Variants in NAALADL2 observed in about 807,000 individuals in gnomAD.
NAALADL2 encodes the protein N-acetylated alpha-linked acidic dipeptidase like 2, also known as inactive N-acetylated-alpha-linked acidic dipeptidase-like protein 2.
NAALADL2 carries 76 observed loss-of-function variants against 87.2 expected under a neutral mutation model. The ratio of observed to expected loss-of-function variants is 0.87; its 90% CI spans 0.72 to 1.05. The LOEUF (loss-of-function observed/expected upper bound fraction) is 1.05. Ranked by LOEUF, NAALADL2 falls within the 50% of genes least tolerant of loss-of-function variation. The pLI is 0.00. For synonymous variants in NAALADL2, 354 were observed against 331.0 expected (o/e 1.07, Z -0.75); for missense variants, 1,089 against 945.8 (o/e 1.15, Z -1.99).
chr3:174,682,000 G>C (rs1484809008), intron 2 of NAALADL2, among the ~76,000 whole-genome samples: 1 of 152,130 alleles, frequency 6.6e-6, no homozygotes, highest in Non-Finnish European at 1.5e-5. Flanking sequence ...GTGGTAGCCA[G>C]GCAGTACTCA....
At chr3:174,769,704 AT>A (rs11289362) in intron 3 of NAALADL2, among the ~76,000 whole-genome samples, 80,089 of 150,896 alleles carry the variant, frequency 0.53, 21,634 homozygotes, top group Middle Eastern at 0.64. Flanking sequence ...CCAGTAACAT[AT>A]TTTTTTTCTT....
At chr3:175,592,813 A>G (rs537317120) in intron 10 of NAALADL2, among the ~76,000 whole-genome samples, 2 of 151,862 alleles carry the variant, frequency 1.3e-5, no homozygotes, top group Admixed American at 6.6e-5. Context: ...TGGGTGCAGC[A>G]CACCAGCATG....
intron 1 of NAALADL2, among the ~76,000 whole-genome samples, chr3:175,008,805 T>C (rs1004997431): frequency 3.3e-5 from 5 of 152,122 alleles, no homozygotes; most frequent in African/African-American, 1.2e-4. Flanking sequence ...CCATGTTTGG[T>C]CCAGCCATCA....
chr3:175,752,663 C>A (rs1380728152), intron 12 of NAALADL2, among the ~76,000 whole-genome samples: 1 of 152,118 alleles, frequency 6.6e-6, no homozygotes, highest in Non-Finnish European at 1.5e-5. Context: ...AGGGTCCTTT[C>A]TGGAGCTAGC....
intron 2 of NAALADL2, among the ~76,000 whole-genome samples, chr3:175,125,312 G>A (rs115534862): frequency 6.6e-6 from 1 of 151,932 alleles, no homozygotes; most frequent in Non-Finnish European, 1.5e-5. Flanking sequence ...CTCTGAAAAG[G>A]TTCCAGAAGC....
intron 9 of NAALADL2, among the ~76,000 whole-genome samples, chr3:175,492,339 T>C (rs1728220570): frequency 6.6e-6 from 1 of 152,136 alleles, no homozygotes; most frequent in East Asian, 1.9e-4. Flanking sequence ...CCCTTGAAGT[T>C]GAATTTGAGG....
chr3:174,993,959 T>C (rs973736961), intron 1 of NAALADL2, among the ~76,000 whole-genome samples: 1 of 152,178 alleles, frequency 6.6e-6, no homozygotes, highest in African/African-American at 2.4e-5. Context: ...TCTCCCTGTG[T>C]GTCTATGTCC....
intron 12 of NAALADL2, among the ~76,000 whole-genome samples, chr3:175,738,261 T>A (rs1034321427): frequency 2.0e-5 from 3 of 152,296 alleles, no homozygotes; most frequent in Non-Finnish European, 2.9e-5. Flanking sequence ...TTTCTTTTTT[T>A]TTGAGATGGA....
chr3:174,546,553 G>A (rs1197594891), intron 1 of NAALADL2, among the ~76,000 whole-genome samples: 1 of 152,134 alleles, frequency 6.6e-6, no homozygotes, highest in East Asian at 1.9e-4. Context: ...CTTATTGATG[G>A]CTTCCTCTGC....
At chr3:174,959,402 T>C (rs1176339062) in intron 1 of NAALADL2, among the ~76,000 whole-genome samples, 1 of 152,058 alleles carries the variant, frequency 6.6e-6, no homozygotes, top group Non-Finnish European at 1.5e-5. Flanking sequence ...GCCATTGTGC[T>C]GCCTGCTGCC....
At chr3:175,193,920 A>G (rs1738588430) in intron 2 of NAALADL2, among the ~76,000 whole-genome samples, 1 of 151,926 alleles carries the variant, frequency 6.6e-6, no homozygotes, top group South Asian at 2.1e-4. Context: ...TAAACATAAT[A>G]CCATTAGGAC....
intron 1 of NAALADL2, among the ~76,000 whole-genome samples, chr3:174,506,349 T>G (rs1305292559): frequency 6.6e-6 from 1 of 151,906 alleles, no homozygotes; most frequent in Non-Finnish European, 1.5e-5. Context: ...CCCGCCTAAT[T>G]TTTGTATTTT....
chr3:174,574,267 T>G (rs1395896035), intron 2 of NAALADL2, among the ~76,000 whole-genome samples: 2 of 152,090 alleles, frequency 1.3e-5, no homozygotes, highest in African/African-American at 4.8e-5. Flanking sequence ...TTTGATAAAA[T>G]TTTTACTACT....
chr3:175,261,972 T>C (rs1751120659), intron 4 of NAALADL2, among the ~76,000 whole-genome samples: 3 of 152,072 alleles, frequency 2.0e-5, no homozygotes, highest in Admixed American at 6.6e-5. Context: ...TTGGTATTTG[T>C]TTGTACTTTC....
At chr3:175,556,693 G>A (rs148717582) in intron 9 of NAALADL2, among the ~76,000 whole-genome samples, 36 of 151,950 alleles carry the variant, frequency 2.4e-4, no homozygotes, top group African/African-American at 7.5e-4. Context: ...AGTTATTTTT[G>A]AAAAAAGTCT....
At chr3:175,695,458 G>T (rs191538204) in intron 11 of NAALADL2, among the ~76,000 whole-genome samples, 1 of 152,030 alleles carries the variant, frequency 6.6e-6, no homozygotes, top group South Asian at 2.1e-4. Context: ...TTTTTCCAAC[G>T]TCTGTTGTAG....
In NAALADL2 at chr3:175,526,137, G is replaced by A. The variant is rs111878701; in HGVS notation, c.1654-49904G>A. 5.4e-3 allele frequency among the ~76,000 whole-genome samples: 821 copies of A among 152,324 alleles called. 8 individuals carry two copies. The highest frequency in any genetic ancestry group is 0.019 in the African/African-American group (779 of 41,582). ...AGTCTTGTCAAATGCTAATCTTGGA[G>A]CTACTTAACTGCTGTTTTTGCAGTA... is the stretch of plus-strand genomic sequence containing the variant. On this transcript the variant is annotated intron_variant, in intron 9 of 13. Coordinates refer to ENST00000454872, the MANE Select transcript of NAALADL2 (RefSeq NM_207015.3).
intron 1 of NAALADL2, among the ~76,000 whole-genome samples, chr3:174,917,596 T>C (rs1734584623): frequency 6.6e-6 from 1 of 152,166 alleles, no homozygotes; most frequent in Non-Finnish European, 1.5e-5. Context: ...CACACTATTA[T>C]CTTGCCCATT....
chr3:175,405,151 C>T (rs1712085021), intron 5 of NAALADL2, among the ~76,000 whole-genome samples: 1 of 152,082 alleles, frequency 6.6e-6, no homozygotes, highest in Non-Finnish European at 1.5e-5. Context: ...AAGTAGTGTT[C>T]TTCAAGATTT....
Sources: gnomAD v4.1 joint callset for allele counts (sites outside exome capture counted in the v4.1 genomes callset) on GRCh38, gnomAD v4.1.1 for gene constraint, MANE v1.5 for transcripts, NCBI Gene and HGNC (gene_info 2026-07-23, HGNC 2026-07-21) for gene names.